Variants in ARRDC5 observed in about 807,000 individuals in gnomAD.
The protein encoded by ARRDC5 is arrestin domain containing 5.
A neutral mutation model predicts 13.3 loss-of-function variants in ARRDC5; 12 were observed. That is an observed-to-expected ratio of 0.90 (90% CI 0.58 to 1.46). The LOEUF (loss-of-function observed/expected upper bound fraction) is 1.46, where lower values mean the gene tolerates loss of function less well. Ranked by LOEUF, ARRDC5 falls within the 40% of genes most tolerant of loss-of-function variation. ARRDC5 has a pLI of 0.00. For synonymous variants in ARRDC5, 181 were observed against 173.4 expected, an observed-to-expected ratio of 1.04 and a Z score of -0.34; for missense variants, 406 against 418.7, an observed-to-expected ratio of 0.97 and a Z score of 0.26.
the ARRDC5 span, chr19:4,909,900 G>C: frequency 2.7e-6 from 1 of 371,078 alleles, no homozygotes; most frequent in East Asian, 4.0e-5. Flanking sequence ...GTGGGGGAGG[G>C]CCTGGCGAGC....
At chr19:4,912,647 G>T in the ARRDC5 span, among the ~76,000 whole-genome samples, 3 of 152,220 alleles carry the variant, frequency 2.0e-5, no homozygotes, top group Admixed American at 1.3e-4. Context: ...CCATCTTTTT[G>T]GGATGCATTT....
At chr19:4,893,123 AATAAT>A (rs1010396634) in intron 2 of ARRDC5, among the ~76,000 whole-genome samples, 2 of 141,708 alleles carry the variant, frequency 1.4e-5, no homozygotes, top group Non-Finnish European at 3.0e-5. Context: ...TATATATTAT[AATAAT>A]ATAATATATA....
chr19:4,903,104 G>T (rs2031981158), upstream of ARRDC5: 1 of 409,708 alleles, frequency 2.4e-6, no homozygotes, highest in Non-Finnish European at 4.6e-6. Flanking sequence ...TTGGCTCACT[G>T]CAACCTCCGC....
chr19:4,908,116 C>T, the ARRDC5 span, among the ~76,000 whole-genome samples: 1 of 152,176 alleles, frequency 6.6e-6, no homozygotes, highest in African/African-American at 2.4e-5. Context: ...GACATTGTGC[C>T]CACCTGGATC....
rs773777241 is a variant in ARRDC5 at position 4,891,580 on chromosome 19, G to A, written c.460-7C>T. On this transcript the variant is annotated splice_region_variant and splice_polypyrimidine_tract_variant and intron_variant, in intron 2 of 2. Coordinates refer to ENST00000650722, the MANE Select transcript of ARRDC5 (RefSeq NM_001080523.3). ...CCTCCACGAACAAGGGGTTCTAGGA[G>A]GATGTGGGGGAACAGACAACCGTGA... 1.2e-6 allele frequency: 2 copies of A among 1,604,444 alleles called. No individual in the cohort carries two copies. The highest frequency in any genetic ancestry group is 1.7e-5 in the Admixed American group (1 of 58,956).
rs71170878 is a variant in ARRDC5, at chr19:4,898,665, C to CTT, written c.254-1791_254-1790dup. On this transcript the variant is annotated intron_variant, in intron 1 of 2. Transcript: ENST00000650722. ...GCATAAGCCATCAGGCGGGCTTGGCCTTTTTTTTTTTTTTTGAGACAGGGT... is the reference window on the plus strand; with the variant it reads ...GCATAAGCCATCAGGCGGGCTTGGCCTTTTTTTTTTTTTTTTTGAGACAGGGT... Among the ~76,000 whole-genome samples, 51 of 130,592 alleles carry CTT rather than the reference C, an allele frequency of 3.9e-4. 1 individual carries two copies. The highest frequency in any genetic ancestry group is 1.2e-3 in the African/African-American group (43 of 36,396). 85.7% of individuals were successfully genotyped at this position (130,592 alleles called of 152,430 possible).
chr19:4,891,415 C>T lies in ARRDC5; in HGVS notation c.618G>A (p.Lys206=), dbSNP rs61739525. ...EINNQTSKCI[K]TVVFALYAHI... is the part of the protein sequence containing the mutation. ...GGGCATACAGGGCGAATACGACCGT[C>T]TTGATGCATTTGCTGGTCTGGTTGT... Residue 206 remains lysine, a synonymous_variant, in exon 3 of 3, where the codon AAG becomes AAA. Transcript: ENST00000650722. 2.3e-3 allele frequency: 3,736 copies of T among 1,613,434 alleles called. 83 individuals carry two copies. In the African/African-American group the frequency reaches 0.045, roughly 19 times the overall value.
Position 4,891,060 on chromosome 19 carries a change from C to T in ARRDC5, c.973G>A (p.Asp325Asn). Reference sequence around the variant, plus strand: ...AGTTCGGGCACTTAATTCTGGTGATCTGGGTTCACGGGTAACACTCCGTCC... The same window carrying T: ...AGTTCGGGCACTTAATTCTGGTGATTTGGGTTCACGGGTAACACTCCGTCC... Reference protein sequence around the residue: ...SEDGVLPVNPDHQN With the variant: ...SEDGVLPVNPNHQN Residue 325 changes from aspartate (D) to asparagine (N), a missense_variant, in exon 3 of 3, where the codon GAT (aspartate) becomes AAT (asparagine). Physicochemically the swap from Asp to Asn is conservative, Grantham distance 23. Coordinates refer to ENST00000650722, the MANE Select transcript of ARRDC5 (RefSeq NM_001080523.3). 6.2e-7 allele frequency: 1 copy of T among 1,611,152 alleles called. No individual in the cohort carries two copies. Among genetic ancestry groups the T allele is most frequent in the South Asian group, 1.1e-5 (1 of 90,760 alleles).
Position 4,891,212 on chromosome 19 carries a change from A to T in ARRDC5, c.821T>A (p.Ile274Asn). The stretch of plus-strand genomic sequence containing the variant: ...GACCAGCTCGTAGCGAGTGTGCATG[A>T]TCTCACCGTCCTGCGTGCTGCTGCT... ...SVSSSTQDGEIMHTRYELVTT... is the reference protein window; with the variant it reads ...SVSSSTQDGENMHTRYELVTT... The change falls in exon 3 of 3, where the codon ATC becomes AAC. Residue 274 changes from isoleucine to asparagine, a missense_variant. Transcript: ENST00000650722. 1 of 1,613,784 alleles carries T rather than the reference A, an allele frequency of 6.2e-7. No homozygotes were observed. Among genetic ancestry groups the T allele is most frequent in the Non-Finnish European group, 8.5e-7 (1 of 1,179,848 alleles).
Position 4,902,696 on chromosome 19 carries a change from G to C in ARRDC5, c.130C>G (p.Leu44Val). The C allele has an allele frequency of 6.2e-7, 1 of 1,614,008 alleles. No homozygotes were observed. Among genetic ancestry groups the C allele is most frequent in the Non-Finnish European group, 8.5e-7 (1 of 1,179,892 alleles). ...TLVDPIVKVELVGRGYVEWSE... is the reference protein window; with the variant it reads ...TLVDPIVKVEVVGRGYVEWSE... ...CATTCGACGTAACCCCTTCCCACGA[G>C]CTCCACCTTCACTATGGGGTCCACC... Residue 44 changes from leucine to valine, a missense_variant, in exon 1 of 3, where the codon CTC becomes GTC. Physicochemically the swap from Leu to Val is conservative, Grantham distance 32. Transcript: ENST00000650722.
At chr19:4,899,519 C>G (rs1457556581) in intron 1 of ARRDC5, among the ~76,000 whole-genome samples, 2 of 151,708 alleles carry the variant, frequency 1.3e-5, no homozygotes, top group African/African-American at 4.8e-5. Flanking sequence ...GTAATCCCAG[C>G]TATGCAGGAG....
chr19:4,902,840 T>A lies in ARRDC5; in HGVS notation c.-15A>T, dbSNP rs2031971853. On this transcript the variant is annotated 5_prime_UTR_variant, in exon 1 of 3. Transcript: ENST00000650722. ...ACCACAGACATGGGGGGTTGGGGGG[T>A]AGAGAGACATTCCTCTCTGTCCCCC... 1.2e-6 allele frequency: 2 copies of A among 1,613,520 alleles called. No homozygotes were observed. Among genetic ancestry groups the A allele is most frequent in the African/African-American group, 2.7e-5 (2 of 74,902 alleles).
At chr19:4,898,078 C>A (rs879359315) in intron 1 of ARRDC5, among the ~76,000 whole-genome samples, 1 of 151,966 alleles carries the variant, frequency 6.6e-6, no homozygotes, top group South Asian at 2.1e-4. Flanking sequence ...CAGAGCGAGA[C>A]GCCATCTCTA....
upstream of ARRDC5, chr19:4,902,946 G>A (rs2031975073): frequency 6.7e-7 from 1 of 1,500,978 alleles, no homozygotes; most frequent in Admixed American, 1.8e-5. Context: ...TCCGGGAAGT[G>A]GGGACCCCAG....
At chr19:4,909,358 G>C in the ARRDC5 span, 1 of 607,608 alleles carries the variant, frequency 1.6e-6, no homozygotes, top group Non-Finnish European at 2.9e-6. Flanking sequence ...CGGAGGCGCC[G>C]TGGACAGAGG....
intron 2 of ARRDC5, 95 bp from the exon 3 acceptor site, chr19:4,891,668 T>TG: frequency 1.8e-6 from 2 of 1,124,380 alleles, no homozygotes; most frequent in Non-Finnish European, 1.3e-6. Context: ...TCAAAGTCTG[T>TG]GGGGCTGGCT....
At chr19:4,907,417 G>A (rs370197135), upstream of ARRDC5, among the ~76,000 whole-genome samples, 5 of 151,026 alleles carry the variant, frequency 3.3e-5, no homozygotes, top group African/African-American at 9.7e-5. Flanking sequence ...TACAGGCGCC[G>A]GCCACCACAC....
At chr19:4,898,380 GA>G (rs2031802249) in intron 1 of ARRDC5, among the ~76,000 whole-genome samples, 1 of 150,774 alleles carries the variant, frequency 6.6e-6, no homozygotes, top group African/African-American at 2.4e-5. Context: ...TTGTTTTTTT[GA>G]GACAGAATCT....
At chr19:4,905,098 C>T (rs1051827809), upstream of ARRDC5, among the ~76,000 whole-genome samples, 8 of 143,978 alleles carry the variant, frequency 5.6e-5, no homozygotes, top group Non-Finnish European at 9.0e-5. Flanking sequence ...AACACAAATT[C>T]GTAAACTTTC....
Sources: allele counts gnomAD v4.1 joint callset (sites outside exome capture counted in the v4.1 genomes callset), GRCh38; gene constraint gnomAD v4.1.1; transcripts MANE v1.5; gene names NCBI Gene and HGNC (gene_info 2026-07-23, HGNC 2026-07-21).